Variants in EPB41 observed in about 807,000 individuals in gnomAD.
EPB41 encodes the protein protein 4.1.
Under a neutral mutation model 108.0 loss-of-function variants are expected in EPB41, and 65 were observed. That is an observed-to-expected ratio of 0.60 (90% confidence interval 0.49 to 0.74). EPB41 has a LOEUF of 0.74. Ranked by LOEUF, EPB41 falls within the 30% of genes least tolerant of loss-of-function variation. The probability of loss-of-function intolerance (pLI) is 0.00; values close to 1 mark genes in which losing one functional copy is unlikely to be tolerated. For missense variants in EPB41, 875 were observed against 1,037.0 expected, an observed-to-expected ratio of 0.84 and a Z score of 2.15; for synonymous variants, 336 against 358.9, an observed-to-expected ratio of 0.94 and a Z score of 0.72.
intron 16 of EPB41, among the ~76,000 whole-genome samples, chr1:29,077,221 C>A (rs566064499): frequency 1.3e-5 from 2 of 152,184 alleles, no homozygotes; most frequent in South Asian, 4.2e-4. Flanking sequence ...ATCTAGTATA[C>A]CCTTATGGTA....
chr1:28,971,039 G>A (rs1214205633), intron 1 of EPB41, among the ~76,000 whole-genome samples: 2 of 151,766 alleles, frequency 1.3e-5, no homozygotes, highest in African/African-American at 4.8e-5. Context: ...GTAGAGAGAG[G>A]GTTTCACCAT....
intron 9 of EPB41, among the ~76,000 whole-genome samples, chr1:29,035,129 G>A (rs1215620287): frequency 5.3e-5 from 8 of 151,574 alleles, no homozygotes; most frequent in African/African-American, 9.7e-5. Flanking sequence ...TTACAGGCGC[G>A]TGCCACCATG....
rs11321625 is a variant in EPB41, at chr1:28,915,731, CTTTTTTTTTT to C, written c.-8+974_-8+983del. On this transcript the variant is annotated intron_variant, in intron 1 of 20. Transcript: ENST00000343067. ...CTTTTTCCTTTTTTTTTTTCAGATGCTTTTTTTTTTTTTTTTTTTTGTAGTCTGGGTGATT... is the reference window on the plus strand; with the variant it reads ...CTTTTTCCTTTTTTTTTTTCAGATGCTTTTTTTTTTGTAGTCTGGGTGATT... 5.3e-5 allele frequency among the ~76,000 whole-genome samples: 3 copies of C among 56,076 alleles called. No individual in the cohort carries two copies. The Admixed American group carries it at 7.7e-4, about 14-fold the overall frequency. 36.8% of individuals were successfully genotyped at this position (56,076 alleles called of 152,430 possible). A position where few individuals can be genotyped will look rare whatever the true frequency, so the allele number is the denominator to read the frequency against.
intron 1 of EPB41, among the ~76,000 whole-genome samples, chr1:28,975,909 C>T (rs2095594626): frequency 7.2e-6 from 1 of 139,110 alleles, no homozygotes; most frequent in Non-Finnish European, 1.5e-5. Context: ...CCACTGCACT[C>T]CAGCCTGGGT....
intron 1 of EPB41, among the ~76,000 whole-genome samples, chr1:28,950,126 T>C (rs2094652910): frequency 1.3e-5 from 2 of 152,170 alleles, no homozygotes; most frequent in Non-Finnish European, 2.9e-5. Context: ...GTTGGATGTG[T>C]AGGTGTGTGT....
At chr1:28,926,880 C>T (rs1419240904) in intron 1 of EPB41, among the ~76,000 whole-genome samples, 1 of 152,144 alleles carries the variant, frequency 6.6e-6, no homozygotes, top group Non-Finnish European at 1.5e-5. Context: ...TATAGCTGCA[C>T]CTGGTTTTGT....
chr1:29,020,208 C>T (rs192201854), intron 7 of EPB41, among the ~76,000 whole-genome samples: 1 of 152,064 alleles, frequency 6.6e-6, no homozygotes, highest in African/African-American at 2.4e-5. Flanking sequence ...GCTGGGATTA[C>T]AGGCGCCCAC....
intron 1 of EPB41, among the ~76,000 whole-genome samples, chr1:28,935,074 T>C (rs1431881173): frequency 6.6e-6 from 1 of 151,688 alleles, no homozygotes; most frequent in Non-Finnish European, 1.5e-5. Flanking sequence ...TTCATGCCAC[T>C]GTACTCTATC....
chr1:29,068,183 G>A (rs12125204), intron 16 of EPB41, among the ~76,000 whole-genome samples: 15,525 of 152,180 alleles, frequency 0.1, 1,040 homozygotes, highest in Non-Finnish European at 0.15. Flanking sequence ...GTAAGTCTGT[G>A]ACTCCATAAG....
At chr1:28,918,400 G>T (rs1223013949) in intron 1 of EPB41, among the ~76,000 whole-genome samples, 14 of 152,076 alleles carry the variant, frequency 9.2e-5, no homozygotes, top group Admixed American at 9.2e-4. Flanking sequence ...TTGGTTAAAT[G>T]CATATTCAGA....
At chr1:29,079,000 T>A (rs1189248557) in intron 16 of EPB41, among the ~76,000 whole-genome samples, 1 of 151,814 alleles carries the variant, frequency 6.6e-6, no homozygotes, top group Non-Finnish European at 1.5e-5. Flanking sequence ...TAAAATGATT[T>A]TTTTTTTTTT....
intron 16 of EPB41, among the ~76,000 whole-genome samples, chr1:29,081,379 G>T (rs943230991): frequency 5.3e-5 from 8 of 152,288 alleles, no homozygotes; most frequent in Admixed American, 3.3e-4. Context: ...ACTGAAAAGT[G>T]AAGAATGGTG....
chr1:28,912,521 C>G (rs1002861062), upstream of EPB41, among the ~76,000 whole-genome samples: 3 of 152,134 alleles, frequency 2.0e-5, no homozygotes, highest in African/African-American at 7.2e-5. Flanking sequence ...ACATTTTAGT[C>G]TCTGAATAGT....
chr1:28,955,857 TA>T (rs1391413723), intron 1 of EPB41, among the ~76,000 whole-genome samples: 3 of 152,206 alleles, frequency 2.0e-5, no homozygotes, highest in South Asian at 4.1e-4. Flanking sequence ...CCGTAAGAAG[TA>T]CTAATTAATC....
intron 1 of EPB41, among the ~76,000 whole-genome samples, chr1:28,920,958 G>A (rs1485839911): frequency 1.3e-5 from 2 of 152,044 alleles, no homozygotes; most frequent in African/African-American, 2.4e-5. Flanking sequence ...ATTTATATGG[G>A]GAGTCTCTCT....
chr1:29,007,868 C>G (rs2096434158), intron 4 of EPB41, among the ~76,000 whole-genome samples: 1 of 132,454 alleles, frequency 7.5e-6, no homozygotes, highest in Admixed American at 7.3e-5. Context: ...ATTTTTAAAT[C>G]TTCTTTAATG....
At chr1:28,948,382 C>T (rs2094564954) in intron 1 of EPB41, among the ~76,000 whole-genome samples, 1 of 151,370 alleles carries the variant, frequency 6.6e-6, no homozygotes, top group African/African-American at 2.4e-5. Flanking sequence ...GGTGGCGGGC[C>T]CTTGTAGTCC....
intron 1 of EPB41, among the ~76,000 whole-genome samples, chr1:28,932,591 A>G (rs2093806243): frequency 6.6e-6 from 1 of 150,430 alleles, no homozygotes; most frequent in African/African-American, 2.4e-5. Flanking sequence ...AACTAGTTAT[A>G]TATTTTCAGT....
rs772955361 is a variant in EPB41, at chr1:28,952,750, G to A, written c.-7-34681G>A. ...TGGAAGATAAGTATTTCCAGACAAGGGCTATTATCTAGGAGTTTTTCTCCA... is the reference window on the plus strand; with the variant it reads ...TGGAAGATAAGTATTTCCAGACAAGAGCTATTATCTAGGAGTTTTTCTCCA... On this transcript the variant is annotated intron_variant, in intron 1 of 20. Transcript: ENST00000343067. Among the ~76,000 whole-genome samples, 262 of 152,178 alleles carry A rather than the reference G, an allele frequency of 1.7e-3. 2 individuals are homozygous for A. The highest frequency in any genetic ancestry group is 5.4e-4 in the Non-Finnish European group (37 of 68,018).
Sources: allele counts gnomAD v4.1 joint callset (sites outside exome capture counted in the v4.1 genomes callset), GRCh38; gene constraint gnomAD v4.1.1; transcripts MANE v1.5; gene names NCBI Gene and HGNC (gene_info 2026-07-23, HGNC 2026-07-21).